Variants in ATP6V0E1 observed in about 807,000 individuals in gnomAD.
ATP6V0E1 encodes V-type proton ATPase subunit e 1.
ATP6V0E1 carries 4 observed loss-of-function variants against 11.6 expected under a neutral mutation model. That is an observed-to-expected ratio of 0.35 (90% CI 0.17 to 0.79). ATP6V0E1 has a LOEUF of 0.79. Ranked by LOEUF, ATP6V0E1 falls within the 30% of genes least tolerant of loss-of-function variation. The pLI is 0.54. For synonymous variants in ATP6V0E1, 36 were observed against 34.8 expected, an observed-to-expected ratio of 1.04 and a Z score of -0.13; for missense variants, 105 against 100.0, an observed-to-expected ratio of 1.05 and a Z score of -0.21.
intron 2 of ATP6V0E1, among the ~76,000 whole-genome samples, chr5:173,018,035 A>G (rs918319476): frequency 6.6e-6 from 1 of 152,044 alleles, no homozygotes; most frequent in Non-Finnish European, 1.5e-5. Flanking sequence ...TCAAATTCAT[A>G]CACAGTTGAC....
intron 1 of ATP6V0E1, among the ~76,000 whole-genome samples, chr5:172,992,954 C>G (rs976364050): frequency 6.6e-6 from 1 of 151,994 alleles, no homozygotes; most frequent in Non-Finnish European, 1.5e-5. Context: ...AGCACCACCA[C>G]GCCCAGCTAA....
At chr5:172,997,139 C>G (rs1756078230) in intron 2 of ATP6V0E1, among the ~76,000 whole-genome samples, 1 of 151,986 alleles carries the variant, frequency 6.6e-6, no homozygotes, top group African/African-American at 2.4e-5. Flanking sequence ...AAATTCTATT[C>G]CTTTAATTCA....
In ATP6V0E1 at chr5:173,028,348, G is replaced by A. The variant is rs181533173; in HGVS notation, c.*37-6051G>A. ...TGGTAAAGTCAAAGGATTGAGTTTT[G>A]TTTAACCTTTTGAATTTTGAACTTT... On this transcript the variant is annotated intron_variant, in intron 3 of 3. Coordinates refer to ENST00000519374, the MANE Select transcript of ATP6V0E1 (RefSeq NM_003945.4). Among the ~76,000 whole-genome samples, 444 of 152,258 alleles carry A rather than the reference G, an allele frequency of 2.9e-3. 9 individuals are homozygous for A. The highest frequency in any genetic ancestry group is 0.024 in the Admixed American group (366 of 15,278).
At chr5:173,009,244 A>C (rs1489444317) in intron 2 of ATP6V0E1, among the ~76,000 whole-genome samples, 1 of 151,946 alleles carries the variant, frequency 6.6e-6, no homozygotes, top group Non-Finnish European at 1.5e-5. Context: ...AATTAAAAAA[A>C]TAAATAAATA....
At chr5:172,987,597 T>C (rs1366385298) in intron 1 of ATP6V0E1, among the ~76,000 whole-genome samples, 1 of 152,048 alleles carries the variant, frequency 6.6e-6, no homozygotes, top group Non-Finnish European at 1.5e-5. Flanking sequence ...TGCTATAACA[T>C]CTTTTGCCAC....
Position 173,032,795 on chromosome 5 carries a change from CA to C in ATP6V0E1, c.*37-1603del, listed in dbSNP as rs150010770. ...TATGTATTCACTACTTCAGTATTCT[CA>C]GATAAAATTTATTTTATTGGCTGGG... On this transcript the variant is annotated intron_variant, in intron 3 of 3. Transcript: ENST00000519374. 4.9e-3 allele frequency among the ~76,000 whole-genome samples: 747 copies of C among 152,232 alleles called. 8 individuals are homozygous for C. Among genetic ancestry groups the C allele is most frequent in the African/African-American group, 0.017 (712 of 41,522 alleles).
chr5:173,024,781 A>G (rs182052723), intron 3 of ATP6V0E1, among the ~76,000 whole-genome samples: 26 of 151,686 alleles, frequency 1.7e-4, no homozygotes, highest in Admixed American at 4.6e-4. Flanking sequence ...TTAAGTTTAC[A>G]TTAGTATTTT....
intron 2 of ATP6V0E1, among the ~76,000 whole-genome samples, chr5:172,998,372 C>T (rs1256148293): frequency 2.0e-5 from 3 of 151,310 alleles, no homozygotes; most frequent in Non-Finnish European, 1.5e-5. Flanking sequence ...TCTGGGAGGC[C>T]AAGGCGGGAA....
chr5:173,024,839 CTTTTTTCTTTTTTTT>C (rs1270673418), intron 3 of ATP6V0E1, among the ~76,000 whole-genome samples: 4 of 145,094 alleles, frequency 2.8e-5, no homozygotes, highest in African/African-American at 1.0e-4. Context: ...TTATTTTTTT[CTTTTTTCTTTTTTTT>C]TTTTTTTGAG....
chr5:172,984,007 A>G lies in ATP6V0E1; in HGVS notation c.104+43A>G, dbSNP rs767729658. ...GCCTTGGGAGGAACGGGCGGTGAGG[A>G]GCTAGCAGGCCGGGGCGGGGAAAGG... On this transcript the variant is annotated intron_variant, in intron 1 of 3. Transcript: ENST00000519374. 4.4e-6 allele frequency: 7 copies of G among 1,584,284 alleles called. No individual in the cohort carries two copies. In the South Asian group the frequency reaches 6.6e-5, roughly 15 times the overall value.
intron 2 of ATP6V0E1, among the ~76,000 whole-genome samples, chr5:173,001,662 C>A (rs1024174394): frequency 2.0e-5 from 3 of 152,012 alleles, no homozygotes; most frequent in African/African-American, 7.2e-5. Flanking sequence ...GGTTTCAGGG[C>A]TGCTATTTAC....
chr5:172,999,800 T>C (rs1400119265), intron 2 of ATP6V0E1, among the ~76,000 whole-genome samples: 1 of 152,234 alleles, frequency 6.6e-6, no homozygotes, highest in East Asian at 1.9e-4. Context: ...GTTCCAACAT[T>C]AAATGCTTCT....
In ATP6V0E1 at chr5:173,018,604, A is replaced by C. The variant is rs572719677; in HGVS notation, c.153-1634A>C. Among the ~76,000 whole-genome samples the C allele has an allele frequency of 5.9e-5, 9 of 152,012 alleles. No homozygotes were observed. In the East Asian group the frequency reaches 1.7e-3, roughly 29 times the overall value. Reference sequence around the variant, plus strand: ...CCTCCTTCCCTGACCACCCTGTCGAAATAATGCCCCGTCAAGCCACTCTCT... The same window carrying C: ...CCTCCTTCCCTGACCACCCTGTCGACATAATGCCCCGTCAAGCCACTCTCT... On this transcript the variant is annotated intron_variant, in intron 2 of 3. Transcript: ENST00000519374.
chr5:172,992,758 C>T (rs1045291697), intron 1 of ATP6V0E1, among the ~76,000 whole-genome samples: 3 of 152,062 alleles, frequency 2.0e-5, no homozygotes, highest in Non-Finnish European at 4.4e-5. Context: ...CTATCTATGC[C>T]AGTAGCACGT....
At chr5:173,013,707 A>G (rs1474325269) in intron 2 of ATP6V0E1, among the ~76,000 whole-genome samples, 4 of 152,210 alleles carry the variant, frequency 2.6e-5, no homozygotes, top group African/African-American at 7.2e-5. Context: ...AAATAATCCT[A>G]TTGAGAAATG....
chr5:172,985,984 G>T (rs1755891378), intron 1 of ATP6V0E1, among the ~76,000 whole-genome samples: 1 of 152,192 alleles, frequency 6.6e-6, no homozygotes, highest in South Asian at 2.1e-4. Flanking sequence ...CTTAAATACT[G>T]TATAGACAAA....
chr5:173,016,418 A>G (rs957802038), intron 2 of ATP6V0E1, among the ~76,000 whole-genome samples: 13 of 152,142 alleles, frequency 8.5e-5, no homozygotes, highest in Admixed American at 2.0e-4. Flanking sequence ...TGTTTTTTCC[A>G]CTCTCAGAAA....
intron 1 of ATP6V0E1, among the ~76,000 whole-genome samples, chr5:172,987,728 T>G (rs1755918277): frequency 6.6e-6 from 1 of 151,412 alleles, no homozygotes. Context: ...TTTTTTTTTT[T>G]TAAGAGTCAG....
intron 3 of ATP6V0E1, among the ~76,000 whole-genome samples, chr5:173,028,635 G>T (rs78869947): frequency 0.023 from 3,462 of 152,276 alleles, 96 homozygotes; most frequent in African/African-American, 0.059. Flanking sequence ...CTTTAATCAA[G>T]GTAACTGTCA....
Sources: allele counts gnomAD v4.1 joint callset (sites outside exome capture counted in the v4.1 genomes callset), GRCh38; gene constraint gnomAD v4.1.1; transcripts MANE v1.5; gene names NCBI Gene and HGNC (gene_info 2026-07-23, HGNC 2026-07-21).